The following TSPEAR variants were observed in gnomAD, a reference collection of about 807,000 sequenced individuals.
TSPEAR encodes the protein thrombospondin type laminin G domain and EAR repeats, also known as thrombospondin-type laminin G domain and EAR repeat-containing protein.
TSPEAR carries 69 observed loss-of-function variants against 71.6 expected under a neutral mutation model. The observed-to-expected ratio is 0.96, with a 90% CI of 0.79 to 1.18. TSPEAR has a LOEUF of 1.18. Among genes scored for constraint, TSPEAR ranks in the 50% most tolerant of loss-of-function variants. The pLI, the probability that TSPEAR is intolerant of heterozygous loss-of-function variation, is 0.00. For synonymous variants in TSPEAR, 402 were observed against 387.2 expected (o/e 1.04, Z -0.45); for missense variants, 971 against 894.9 (o/e 1.09, Z -1.09).
intron 1 of TSPEAR, chr21:44,591,711 T>G (rs372603975): frequency 6.4e-7 from 1 of 1,567,346 alleles, no homozygotes; most frequent in East Asian, 2.4e-5. Context: ...TGCAGCAAGC[T>G]GGCTGGCAGC....
intron 1 of TSPEAR, chr21:44,637,799 C>T (rs1555937345): frequency 7.3e-7 from 1 of 1,367,700 alleles, no homozygotes; most frequent in East Asian, 2.3e-5. Flanking sequence ...TTCATGCTGC[C>T]AGCAGTCTAG....
At chr21:44,583,744 T>C (rs1211963905) in intron 1 of TSPEAR, among the ~76,000 whole-genome samples, 2 of 152,204 alleles carry the variant, frequency 1.3e-5, no homozygotes, top group Non-Finnish European at 2.9e-5. Flanking sequence ...TGAGATGTAA[T>C]TGACAAATAA....
chr21:44,677,829 AAG>A (rs1234989915), intron 1 of TSPEAR: 2 of 1,304,280 alleles, frequency 1.5e-6, no homozygotes, highest in African/African-American at 2.9e-5. Context: ...AACCACCTCG[AAG>A]AGTTTGTCTG....
chr21:44,623,291 G>T lies in TSPEAR; in HGVS notation c.83-55286C>A, dbSNP rs1982566697. On this transcript the variant is annotated intron_variant, in intron 1 of 11. Transcript: ENST00000323084. The surrounding 1 kb of genome is among the most constrained non-coding windows in gnomAD (Gnocchi z 4.5). ...TTGTATATTCTTTCATTACTCTAGT[G>T]GAGATTACAACATGAATCTATGACT... Among the ~76,000 whole-genome samples the T allele has an allele frequency of 6.6e-6, 1 of 152,040 alleles. No individual in the cohort carries two copies. Among genetic ancestry groups the T allele is most frequent in the African/African-American group, 2.4e-5 (1 of 41,364 alleles).
chr21:44,592,600 G>GC, intron 1 of TSPEAR: 1 of 1,469,024 alleles, frequency 6.8e-7, no homozygotes, highest in Non-Finnish European at 9.1e-7. Context: ...CTTCCGTGTT[G>GC]CCGAGAGCTG....
intron 1 of TSPEAR, chr21:44,627,336 C>T (rs1204377587): frequency 6.2e-7 from 1 of 1,613,094 alleles, no homozygotes; most frequent in Non-Finnish European, 8.5e-7. Flanking sequence ...GTGTATCCAG[C>T]CCCTGCTGCC....
rs1488726020 is a variant in TSPEAR, at chr21:44,534,014, C to G, written c.304-91G>C. ...ATGGGAATGGCAGAGGTGATGAGCA[C>G]AGGTGGTGAGAGGAGCAGGGGCTGA... On this transcript the variant is annotated intron_variant, in intron 2 of 11. Transcript: ENST00000323084. The G allele has an allele frequency of 5.2e-6, 5 of 954,408 alleles. No homozygotes were observed. The African/African-American group carries it at 8.4e-5, about 16-fold the overall frequency. The allele number at this position is 954,408 out of a possible 1,614,324, so 59.1% of individuals were successfully genotyped here. A position where few individuals can be genotyped will look rare whatever the true frequency, so the allele number is the denominator to read the frequency against.
chr21:44,577,592 G>A (rs1978546011), intron 1 of TSPEAR, among the ~76,000 whole-genome samples: 2 of 152,198 alleles, frequency 1.3e-5, no homozygotes, highest in African/African-American at 2.4e-5. Context: ...GTGGCACCAA[G>A]CCACTCATGA....
intron 1 of TSPEAR, among the ~76,000 whole-genome samples, chr21:44,614,632 G>A (rs1555932003): frequency 6.6e-6 from 1 of 152,192 alleles, no homozygotes. Flanking sequence ...GTGTTGGGCT[G>A]GGGGGACCAT....
intron 1 of TSPEAR, among the ~76,000 whole-genome samples, chr21:44,622,570 A>T (rs1982511783): frequency 6.6e-6 from 1 of 152,102 alleles, no homozygotes; most frequent in Non-Finnish European, 1.5e-5. Context: ...CTCCCAGCAA[A>T]CCTTGGCGTC....
At chr21:44,504,222 G>A (rs782257619) in intron 11 of TSPEAR, among the ~76,000 whole-genome samples, 8 of 138,996 alleles carry the variant, frequency 5.8e-5, no homozygotes, top group East Asian at 2.2e-4. Context: ...GGAGGAAGCC[G>A]GCCTCGGTGA....
chr21:44,695,338 C>G lies in TSPEAR; in HGVS notation c.82+16095G>C, dbSNP rs782728190. 6.6e-6 allele frequency among the ~76,000 whole-genome samples: 1 copy of G among 152,132 alleles called. No homozygotes were observed. On this transcript the variant is annotated intron_variant, in intron 1 of 11. Transcript: ENST00000323084. This position sits in a 1 kb window ranked among gnomAD's most constrained non-coding sequence, Gnocchi z 4.5. ...ATGTACAGAACAGGCCCCTGGGTCT[C>G]GGTCCCCAAAGCACCTCTTCTCAGA...
intron 9 of TSPEAR, chr21:44,516,061 C>T (rs587613952): frequency 6.6e-6 from 1 of 152,390 alleles, no homozygotes; most frequent in African/African-American, 2.4e-5. Context: ...GTGGCCAGGT[C>T]CCTGCTCCTG....
intron 1 of TSPEAR, chr21:44,600,793 A>C (rs1555928431): frequency 1.3e-6 from 2 of 1,597,630 alleles, no homozygotes; most frequent in African/African-American, 1.4e-5. Flanking sequence ...CCTGGTCTGC[A>C]CCCCAGTGAG....
chr21:44,509,735 A>C, intron 9 of TSPEAR: 1 of 296,896 alleles, frequency 3.4e-6, no homozygotes, highest in Admixed American at 4.7e-5. Flanking sequence ...CTTCTCCCTG[A>C]ATGTTAGTGC....
At chr21:44,629,229 AC>A (rs1188488772) in intron 1 of TSPEAR, among the ~76,000 whole-genome samples, 3 of 151,966 alleles carry the variant, frequency 2.0e-5, no homozygotes, top group Non-Finnish European at 4.4e-5. Flanking sequence ...GGCACAAAGG[AC>A]CCCCACACCT....
At chr21:44,570,383 C>T (rs1328408778) in intron 1 of TSPEAR, among the ~76,000 whole-genome samples, 1 of 152,220 alleles carries the variant, frequency 6.6e-6, no homozygotes, top group Non-Finnish European at 1.5e-5. Flanking sequence ...CTGACACAGC[C>T]TCGGCAGTGC....
At chr21:44,653,338 C>T (rs1196200831) in intron 1 of TSPEAR, among the ~76,000 whole-genome samples, 4 of 152,228 alleles carry the variant, frequency 2.6e-5, no homozygotes, top group African/African-American at 9.6e-5. Context: ...ACGTGCTGAC[C>T]TCCCGCCACC....
intron 2 of TSPEAR, among the ~76,000 whole-genome samples, chr21:44,544,697 G>A (rs587601863): frequency 3.9e-5 from 6 of 152,142 alleles, no homozygotes; most frequent in African/African-American, 1.4e-4. Context: ...TGCCCGGGGG[G>A]AGCCACATGG....
Sources: gnomAD v4.1 joint callset for allele counts (sites outside exome capture counted in the v4.1 genomes callset) on GRCh38, gnomAD v4.1.1 for gene constraint, Gnocchi (gnomAD v3.1) non-coding constraint, MANE v1.5 for transcripts, NCBI Gene and HGNC (gene_info 2026-07-23, HGNC 2026-07-21) for gene names.